Variants in MAGI1 observed in about 807,000 individuals in gnomAD.
The protein encoded by MAGI1 is membrane associated guanylate kinase, WW and PDZ domain containing 1, also known as membrane-associated guanylate kinase, WW and PDZ domain-containing protein 1.
A neutral mutation model predicts 139.9 loss-of-function variants in MAGI1; 58 were observed. The ratio of observed to expected loss-of-function variants is 0.41; its 90% CI spans 0.34 to 0.52. The LOEUF (loss-of-function observed/expected upper bound fraction) is 0.52. MAGI1 is among the 20% of genes least tolerant of loss of function. MAGI1 has a pLI of 0.12. For missense variants in MAGI1, 1,874 were observed against 1,901.6 expected, an observed-to-expected ratio of 0.99 and a Z score of 0.27; for synonymous variants, 812 against 737.9, an observed-to-expected ratio of 1.10 and a Z score of -1.63.
chr3:65,815,590 T>C (rs1300651083), intron 1 of MAGI1, among the ~76,000 whole-genome samples: 3 of 152,202 alleles, frequency 2.0e-5, no homozygotes, highest in Non-Finnish European at 4.4e-5. Flanking sequence ...TCATATAGTA[T>C]TATCTTAGCA....
rs576439092 is a variant in MAGI1 at position 65,879,286 on chromosome 3, C to A, written c.313+158710G>T. Among the ~76,000 whole-genome samples, 5 of 152,022 alleles carry A rather than the reference C, an allele frequency of 3.3e-5. No homozygotes were observed. In the East Asian group the frequency reaches 9.7e-4, roughly 30 times the overall value. Reference sequence around the variant, plus strand: ...GAGTCCCAGGGTCCACCATTAAGCCCCCTGTTTTCGGCAATCATTTTGCAT... The same window carrying A: ...GAGTCCCAGGGTCCACCATTAAGCCACCTGTTTTCGGCAATCATTTTGCAT... On this transcript the variant is annotated intron_variant, in intron 1 of 22. Coordinates refer to ENST00000402939, the MANE Select transcript of MAGI1 (RefSeq NM_001033057.2).
chr3:65,637,092 A>T (rs531767403), intron 1 of MAGI1, among the ~76,000 whole-genome samples: 39 of 152,268 alleles, frequency 2.6e-4, no homozygotes, highest in Admixed American at 2.2e-3. Flanking sequence ...TCCAAACTAA[A>T]TGCATGGTGT....
intron 1 of MAGI1, among the ~76,000 whole-genome samples, chr3:66,004,285 G>A (rs1425825931): frequency 1.3e-5 from 2 of 152,178 alleles, no homozygotes; most frequent in South Asian, 2.1e-4. Context: ...CACAGTGTCT[G>A]GGGCTTCAGT....
chr3:65,555,930 T>C (rs1023981100), intron 2 of MAGI1, among the ~76,000 whole-genome samples: 2 of 152,190 alleles, frequency 1.3e-5, no homozygotes, highest in Non-Finnish European at 2.9e-5. Context: ...CTTAACATGT[T>C]TCTTGCCTAG....
In MAGI1 at chr3:65,830,154, A is replaced by C. The variant is rs191863959; in HGVS notation, c.313+207842T>G. Reference sequence around the variant, plus strand: ...TGAAAGCCAGTGTCGTGGATTGAAAACTACCATTAAGGTCTTGGCACATAC... The same window carrying C: ...TGAAAGCCAGTGTCGTGGATTGAAACCTACCATTAAGGTCTTGGCACATAC... On this transcript the variant is annotated intron_variant, in intron 1 of 22. Coordinates refer to ENST00000402939, the MANE Select transcript of MAGI1 (RefSeq NM_001033057.2). Among the ~76,000 whole-genome samples, 10 of 152,274 alleles carry C rather than the reference A, an allele frequency of 6.6e-5. No homozygotes were observed. In the East Asian group the frequency reaches 1.9e-3, roughly 29 times the overall value.
intron 3 of MAGI1, among the ~76,000 whole-genome samples, chr3:65,488,447 C>T (rs954219255): frequency 2.6e-5 from 4 of 151,936 alleles, no homozygotes; most frequent in African/African-American, 7.3e-5. Context: ...AGTGATTCTC[C>T]CACCTCAGCC....
intron 5 of MAGI1, among the ~76,000 whole-genome samples, chr3:65,468,324 T>G (rs1244909137): frequency 6.6e-6 from 1 of 151,498 alleles, no homozygotes; most frequent in Non-Finnish European, 1.5e-5. Context: ...TCTATTTCAC[T>G]TATCTCAGAA....
chr3:65,708,586 C>T (rs2030799453), intron 1 of MAGI1, among the ~76,000 whole-genome samples: 1 of 150,890 alleles, frequency 6.6e-6, no homozygotes, highest in Middle Eastern at 3.4e-3. Context: ...GTGGGCAAAT[C>T]GGTCATTGGT....
intron 7 of MAGI1, among the ~76,000 whole-genome samples, chr3:65,447,589 C>T (rs928131839): frequency 5.9e-5 from 9 of 152,214 alleles, no homozygotes; most frequent in African/African-American, 2.2e-4. Context: ...GTTCCTTAAA[C>T]TAGTCTTAAT....
chr3:65,812,387 T>A (rs2041298481), intron 1 of MAGI1, among the ~76,000 whole-genome samples: 1 of 151,984 alleles, frequency 6.6e-6, no homozygotes, highest in Non-Finnish European at 1.5e-5. Context: ...TGACCCTAAA[T>A]ACATTACGGT....
At chr3:65,940,138 A>G (rs1358789909) in intron 1 of MAGI1, among the ~76,000 whole-genome samples, 3 of 152,164 alleles carry the variant, frequency 2.0e-5, no homozygotes. Flanking sequence ...AAGCACTAGA[A>G]TAACACCCAG....
intron 1 of MAGI1, among the ~76,000 whole-genome samples, chr3:66,032,385 G>GT (rs386396910): frequency 0.11 from 14,813 of 134,094 alleles, 1,156 homozygotes; most frequent in African/African-American, 0.21. Context: ...TAATTTTTTT[G>GT]TTTTTTTTTT....
At chr3:65,459,225 C>T (rs1358115491) in intron 5 of MAGI1, among the ~76,000 whole-genome samples, 1 of 152,196 alleles carries the variant, frequency 6.6e-6, no homozygotes, top group African/African-American at 2.4e-5. Flanking sequence ...TATTTGAAGT[C>T]AGGTAATGTA....
At chr3:65,505,428 G>C (rs2077242795) in intron 2 of MAGI1, among the ~76,000 whole-genome samples, 1 of 150,936 alleles carries the variant, frequency 6.6e-6, no homozygotes, top group Non-Finnish European at 1.5e-5. Flanking sequence ...GCCAGGCATG[G>C]TAGCTCACGA....
intron 1 of MAGI1, among the ~76,000 whole-genome samples, chr3:65,784,205 A>C (rs2039189113): frequency 6.6e-6 from 1 of 152,218 alleles, no homozygotes; most frequent in Admixed American, 6.5e-5. Context: ...AATGCAAAAT[A>C]GTACAGCCAC....
chr3:65,468,917 T>C (rs1950360146), intron 5 of MAGI1, among the ~76,000 whole-genome samples: 1 of 149,044 alleles, frequency 6.7e-6, no homozygotes, highest in South Asian at 2.1e-4. Flanking sequence ...GCCCAGGCAA[T>C]ACAGTGAGGC....
chr3:65,873,016 G>A (rs1293828392), intron 1 of MAGI1: 3 of 152,168 alleles, frequency 2.0e-5, no homozygotes, highest in Admixed American at 6.5e-5. Context: ...AAAAGGTCAC[G>A]AAGTTGCACT....
chr3:65,925,600 T>C (rs2062459212), intron 1 of MAGI1, among the ~76,000 whole-genome samples: 2 of 152,340 alleles, frequency 1.3e-5, no homozygotes, highest in Non-Finnish European at 2.9e-5. Context: ...TTAGAACGTT[T>C]GTTAGATTGA....
At chr3:65,459,284 G>A (rs1414342012) in intron 5 of MAGI1, among the ~76,000 whole-genome samples, 1 of 152,070 alleles carries the variant, frequency 6.6e-6, no homozygotes, top group Non-Finnish European at 1.5e-5. Context: ...GCTATTCTGG[G>A]TCTTTCGTGG....
Sources: allele counts gnomAD v4.1 joint callset (sites outside exome capture counted in the v4.1 genomes callset), GRCh38; gene constraint gnomAD v4.1.1; transcripts MANE v1.5; gene names NCBI Gene and HGNC (gene_info 2026-07-23, HGNC 2026-07-21).